AR: variants seen among roughly 807,000 people sequenced by gnomAD.
The protein encoded by AR is androgen receptor, also known as dihydrotestosterone receptor.
A neutral mutation model predicts 53.9 loss-of-function variants in AR; 8 were observed. The ratio of observed to expected loss-of-function variants is 0.15; its 90% CI spans 0.09 to 0.27. The LOEUF (loss-of-function observed/expected upper bound fraction) is 0.27, where lower values mean the gene tolerates loss of function less well. Ranked by LOEUF, AR falls within the 10% of genes least tolerant of loss-of-function variation. The pLI is 1.00. For missense variants in AR, 639 were observed against 742.5 expected (o/e 0.86, Z 1.62); for synonymous variants, 359 against 316.4 (o/e 1.13, Z -1.43).
chrX:67,624,772 C>A (rs1449219636), intron 1 of AR, among the ~76,000 whole-genome samples: 1 of 108,339 alleles, frequency 9.2e-6, no homozygotes, highest in African/African-American at 3.4e-5. Context: ...CTCTGAAAAA[C>A]ACACAGCTAA....
intron 3 of AR, among the ~76,000 whole-genome samples, chrX:67,696,671 TG>T (rs1039286813): frequency 2.7e-5 from 3 of 111,326 alleles, no homozygotes; most frequent in Admixed American, 9.6e-5. Flanking sequence ...CCTTCTTGCC[TG>T]GGGGAATTTG....
chrX:67,699,988 C>G (rs1047067362), intron 3 of AR, among the ~76,000 whole-genome samples: 1 of 111,196 alleles, frequency 9.0e-6, no homozygotes, highest in East Asian at 2.8e-4. Flanking sequence ...ATTTTTTTCT[C>G]TGGTGCTATA....
rs1430326986 is a variant in AR, at chrX:67,586,884, T to C, written c.1616+40122T>C. Among the ~76,000 whole-genome samples, 44 of 111,841 alleles carry C rather than the reference T, an allele frequency of 3.9e-4. 1 individual carries two copies. In the Admixed American group the frequency reaches 4.2e-3, roughly 11 times the overall value. ...TAAGAAATGACACTTTCCTACTTTT[T>C]ACCTTATTGAAAGGGTAGAGGCTCA... On this transcript the variant is annotated intron_variant, in intron 1 of 7. Transcript: ENST00000374690.
At chrX:67,636,295 C>T (rs1460321152) in intron 1 of AR, among the ~76,000 whole-genome samples, 1 of 111,694 alleles carries the variant, frequency 9.0e-6, no homozygotes, top group Non-Finnish European at 1.9e-5. Context: ...TCAGAGGTAA[C>T]CACTATCCTA....
chrX:67,555,300 C>T (rs938517226), intron 1 of AR, among the ~76,000 whole-genome samples: 1 of 111,684 alleles, frequency 9.0e-6, no homozygotes, highest in South Asian at 3.8e-4. Context: ...TAAACTCAAG[C>T]AATAGATTAA....
chrX:67,680,959 T>A (rs770510657), intron 2 of AR: 1 of 233,316 alleles, frequency 4.3e-6, no homozygotes, highest in East Asian at 1.1e-4. Flanking sequence ...CAGAGCCAGC[T>A]GGCATGCAGT....
chrX:67,692,509 TGTGGTATA>T (rs2076000100), intron 3 of AR, among the ~76,000 whole-genome samples: 1 of 112,188 alleles, frequency 8.9e-6, no homozygotes, highest in Non-Finnish European at 1.9e-5. Context: ...TAAGATGTCC[TGTGGTATA>T]GTGGAAATAG....
chrX:67,672,684 A>G (rs1275534854), intron 2 of AR, among the ~76,000 whole-genome samples: 1 of 110,980 alleles, frequency 9.0e-6, no homozygotes, highest in Non-Finnish European at 1.9e-5. Flanking sequence ...TGTCGTTTCT[A>G]TTTACATCTT....
intron 3 of AR, among the ~76,000 whole-genome samples, chrX:67,699,818 G>A (rs913760305): frequency 2.7e-5 from 3 of 111,068 alleles, no homozygotes; most frequent in Admixed American, 9.6e-5. Flanking sequence ...GAAACTTCAC[G>A]CCACTTTCAC....
chrX:67,650,707 T>C (rs1382814790), intron 2 of AR, among the ~76,000 whole-genome samples: 1 of 112,323 alleles, frequency 8.9e-6, no homozygotes, highest in Non-Finnish European at 1.9e-5. Flanking sequence ...CAGATGCTAG[T>C]GAGCTTTCTA....
intron 1 of AR, among the ~76,000 whole-genome samples, chrX:67,588,497 T>C (rs939344040): frequency 9.8e-5 from 11 of 111,813 alleles, no homozygotes; most frequent in Non-Finnish European, 2.1e-4. Context: ...TCATCAAGCC[T>C]GTTTTTATTG....
chrX:67,547,193 G>A (rs1929799914), intron 1 of AR, among the ~76,000 whole-genome samples: 1 of 111,626 alleles, frequency 9.0e-6, no homozygotes, highest in African/African-American at 3.3e-5. Context: ...TTCACTTTCA[G>A]CCTGCGCAGA....
intron 5 of AR, among the ~76,000 whole-genome samples, chrX:67,719,958 C>T (rs2147533397): frequency 8.9e-6 from 1 of 112,304 alleles, no homozygotes; most frequent in South Asian, 3.7e-4. Context: ...CTTTCTTTCT[C>T]TCTTTGTAGA....
chrX:67,671,189 C>T (rs1569301513), intron 2 of AR, among the ~76,000 whole-genome samples: 1 of 112,090 alleles, frequency 8.9e-6, no homozygotes, highest in Non-Finnish European at 1.9e-5. Flanking sequence ...CTGTCTTCCA[C>T]AATGGTTGAA....
intron 2 of AR, among the ~76,000 whole-genome samples, chrX:67,656,904 T>A (rs997022238): frequency 2.4e-4 from 26 of 109,149 alleles, no homozygotes; most frequent in Admixed American, 2.2e-3. Flanking sequence ...TCAAAGATCT[T>A]AAAGCTTAGT....
intron 1 of AR, among the ~76,000 whole-genome samples, chrX:67,610,007 GC>G (rs1323805586): frequency 9.0e-6 from 1 of 111,556 alleles, no homozygotes; most frequent in Non-Finnish European, 1.9e-5. Flanking sequence ...TTTTGTAACT[GC>G]CCCCAACCTT....
chrX:67,681,130 A>G (rs2075931278), intron 2 of AR: 1 of 135,184 alleles, frequency 7.4e-6, no homozygotes, highest in Non-Finnish European at 1.5e-5. Context: ...TTTGTCAGTC[A>G]TTTCACAATG....
chrX:67,657,976 G>C (rs1926668945), intron 2 of AR, among the ~76,000 whole-genome samples: 1 of 111,808 alleles, frequency 8.9e-6, no homozygotes. Flanking sequence ...CATGTGTTAT[G>C]ACTTAAGAAT....
rs777479540 is a variant in AR at position 67,697,559 on chromosome X, C to T, written c.1885+11433C>T. 4.3e-4 allele frequency among the ~76,000 whole-genome samples: 48 copies of T among 111,475 alleles called. 2 individuals are homozygous for T. In the East Asian group the frequency reaches 0.01, roughly 24 times the overall value. On this transcript the variant is annotated intron_variant, in intron 3 of 7. Transcript: ENST00000374690. ...GGTTATACTTTTCACAGTTTACCAC[C>T]ATAAGCAGTCTTTCAGAGTGATTTC...
Sources: gnomAD v4.1 joint callset for allele counts (sites outside exome capture counted in the v4.1 genomes callset) on GRCh38, gnomAD v4.1.1 for gene constraint, MANE v1.5 for transcripts, NCBI Gene and HGNC (gene_info 2026-07-23, HGNC 2026-07-21) for gene names.